ENKUR: variants seen among roughly 807,000 people sequenced by gnomAD.
ENKUR encodes enkurin, TRPC channel interacting protein, also known as enkurin.
A neutral mutation model predicts 27.6 loss-of-function variants in ENKUR; 19 were observed. The observed-to-expected ratio is 0.69, with a 90% CI of 0.48 to 1.01. ENKUR has a LOEUF of 1.01. Ranked by LOEUF, ENKUR falls within the 50% of genes least tolerant of loss-of-function variation. The pLI is 0.00. For missense variants in ENKUR, 312 were observed against 310.5 expected, an observed-to-expected ratio of 1.00 and a Z score of -0.04; for synonymous variants, 117 against 96.9, an observed-to-expected ratio of 1.21 and a Z score of -1.22.
rs1849712698 is a variant in ENKUR at position 24,983,405 on chromosome 10, A to C, written c.*965T>G. ...GTTCCTGCTGACCTGCTCACAGCAA[A>C]GTACTGCTATGTTAGCAAGAATTGA... On this transcript the variant is annotated 3_prime_UTR_variant, in exon 6 of 6. Coordinates refer to ENST00000331161, the MANE Select transcript of ENKUR (RefSeq NM_145010.4). The C allele has an allele frequency of 6.6e-6, 1 of 152,228 alleles. No individual in the cohort carries two copies. Among genetic ancestry groups the C allele is most frequent in the Non-Finnish European group, 1.5e-5 (1 of 68,048 alleles). 9.4% of individuals were successfully genotyped at this position (152,228 alleles called of 1,614,324 possible).
chr10:24,987,268 C>T (rs965883604), intron 4 of ENKUR, among the ~76,000 whole-genome samples: 3 of 152,190 alleles, frequency 2.0e-5, no homozygotes, highest in African/African-American at 7.2e-5. Context: ...TAAATTCCTA[C>T]TGTCCCTGCT....
chr10:25,014,514 T>A (rs1398079886), intron 1 of ENKUR, among the ~76,000 whole-genome samples: 3 of 151,644 alleles, frequency 2.0e-5, no homozygotes. Flanking sequence ...TCCTATAAAT[T>A]TTTTTTGAAA....
chr10:24,999,865 C>T (rs1850149277), intron 1 of ENKUR, among the ~76,000 whole-genome samples: 1 of 152,168 alleles, frequency 6.6e-6, no homozygotes, highest in Non-Finnish European at 1.5e-5. Context: ...TCTTTCTCTG[C>T]TGATCAGTCT....
At chr10:25,053,280 C>T (rs1311305394) in intron 2 of ENKUR, among the ~76,000 whole-genome samples, 1 of 152,282 alleles carries the variant, frequency 6.6e-6, no homozygotes, top group Middle Eastern at 3.4e-3. Flanking sequence ...ACTCCAAATA[C>T]TTATCCCTTT....
At chr10:24,986,334 G>T (rs529876607) in intron 4 of ENKUR, among the ~76,000 whole-genome samples, 1 of 152,266 alleles carries the variant, frequency 6.6e-6, no homozygotes, top group East Asian at 1.9e-4. Context: ...TGGGGAAAAG[G>T]GCAACAAATT....
At chr10:25,023,221 A>G in intron 2 of ENKUR, 1 of 1,602,612 alleles carries the variant, frequency 6.2e-7, no homozygotes, top group African/African-American at 1.3e-5. Context: ...AAGTGAAAAG[A>G]GAATGCTCCA....
In ENKUR at chr10:24,984,123, T is replaced by C; in HGVS notation, c.*247A>G. 1 of 411,284 alleles carries C rather than the reference T, an allele frequency of 2.4e-6. No homozygotes were observed. The highest frequency in any genetic ancestry group is 4.3e-6 in the Non-Finnish European group (1 of 232,694). The allele number at this position is 411,284 out of a possible 1,614,324, so 25.5% of individuals were successfully genotyped here. ...TGCCTTTATAAGTTGTCATCTTGATTTTGTAAGTTGTCTTCTTAATTTTTC... is the reference window on the plus strand; with the variant it reads ...TGCCTTTATAAGTTGTCATCTTGATCTTGTAAGTTGTCTTCTTAATTTTTC... On this transcript the variant is annotated 3_prime_UTR_variant, in exon 6 of 6. Transcript: ENST00000331161.
At position 25,029,511 on chromosome 10, in the gene ENKUR, G is replaced by A. The variant is rs945354932; in HGVS notation, c.37+31601C>T. Among the ~76,000 whole-genome samples the A allele has an allele frequency of 1.1e-4, 17 of 151,742 alleles. No homozygotes were observed. In the South Asian group the frequency reaches 2.9e-3, roughly 26 times the overall value. ...AAATATTGTTTCAATCCATTAAATC[G>A]TTTATAAACCTTTTGTAATTCAGAC... On this transcript the variant is annotated intron_variant, in intron 2 of 5. Coordinates refer to the ENKUR transcript ENST00000615958.
At chr10:25,013,286 ATATT>A (rs1280721838) in intron 1 of ENKUR, among the ~76,000 whole-genome samples, 1 of 152,258 alleles carries the variant, frequency 6.6e-6, no homozygotes, top group Non-Finnish European at 1.5e-5. Flanking sequence ...TATAAAAGAC[ATATT>A]TATTAAATTT....
At chr10:25,009,933 T>C (rs1410107376) in intron 1 of ENKUR, among the ~76,000 whole-genome samples, 2 of 152,196 alleles carry the variant, frequency 1.3e-5, no homozygotes, top group East Asian at 3.8e-4. Flanking sequence ...TACCTACTCT[T>C]GGGTATGTAC....
chr10:25,022,961 T>C (rs4748996), intron 2 of ENKUR, among the ~76,000 whole-genome samples: 42,730 of 152,078 alleles, frequency 0.28, 6,536 homozygotes, highest in East Asian at 0.5. Flanking sequence ...TTCAGTGTCT[T>C]GAGATTTTAA....
At chr10:25,018,095 C>G (rs1241747097), upstream of ENKUR, among the ~76,000 whole-genome samples, 1 of 152,196 alleles carries the variant, frequency 6.6e-6, no homozygotes, top group Non-Finnish European at 1.5e-5. Flanking sequence ...AATAATTTCA[C>G]TGATGTCTGT....
chr10:25,023,146 T>G lies in ENKUR; in HGVS notation c.38-27277A>C. On this transcript the variant is annotated intron_variant, in intron 2 of 5. Transcript: ENST00000615958. Reference sequence around the variant, plus strand: ...AATTAGTAACCAAATTATCTTTTGTTGTTTTTTGTTTGTTTTGTGTTTTGA... The same window carrying G: ...AATTAGTAACCAAATTATCTTTTGTGGTTTTTTGTTTGTTTTGTGTTTTGA... The G allele has an allele frequency of 2.1e-6, 3 of 1,404,910 alleles. No individual in the cohort carries two copies. The East Asian group carries it at 7.0e-5, about 33-fold the overall frequency. 87.0% of individuals were successfully genotyped at this position (1,404,910 alleles called of 1,614,324 possible).
Position 24,984,545 on chromosome 10 carries a change from G to A in ENKUR, c.765-169C>T, listed in dbSNP as rs1037939295. 7.2e-6 allele frequency: 8 copies of A among 1,105,674 alleles called. No homozygotes were observed. The African/African-American group carries it at 1.3e-4, about 18-fold the overall frequency. 68.5% of individuals were successfully genotyped at this position (1,105,674 alleles called of 1,614,324 possible). On this transcript the variant is annotated intron_variant, in intron 5 of 5. Transcript: ENST00000331161. Reference sequence around the variant, plus strand: ...TTTATATGTGGAAAACGTGACACTAGTAAAAACAAAATTTCTTCTTGTGTA... The same window carrying A: ...TTTATATGTGGAAAACGTGACACTAATAAAAACAAAATTTCTTCTTGTGTA...
At chr10:25,046,794 C>T (rs1851126391) in intron 2 of ENKUR, among the ~76,000 whole-genome samples, 1 of 152,090 alleles carries the variant, frequency 6.6e-6, no homozygotes. Context: ...TTTCACCAAC[C>T]TCTGCTGTTG....
upstream of ENKUR, among the ~76,000 whole-genome samples, chr10:25,018,894 T>G (rs898056045): frequency 6.6e-6 from 1 of 152,152 alleles, no homozygotes; most frequent in Non-Finnish European, 1.5e-5. Context: ...TTAGTCAGCT[T>G]TGATAGTAAT....
chr10:25,016,566 AGAAAG>A (rs113010165), upstream of ENKUR: 528 of 152,390 alleles, frequency 3.5e-3, 2 homozygotes, highest in African/African-American at 9.3e-3. Context: ...GGCTACAGTG[AGAAAG>A]GAGAGTCACG....
At chr10:25,030,960 A>G (rs984309358) in intron 2 of ENKUR, among the ~76,000 whole-genome samples, 2 of 152,094 alleles carry the variant, frequency 1.3e-5, no homozygotes, top group Non-Finnish European at 2.9e-5. Flanking sequence ...TCTACTAATA[A>G]TACAAAAATT....
chr10:25,000,789 G>C (rs1850171954), intron 1 of ENKUR, among the ~76,000 whole-genome samples: 1 of 151,910 alleles, frequency 6.6e-6, no homozygotes, highest in Admixed American at 6.6e-5. Context: ...ATAAAAATTT[G>C]TTTCTGCTTA....
Sources: gnomAD v4.1 joint callset for allele counts (sites outside exome capture counted in the v4.1 genomes callset) on GRCh38, gnomAD v4.1.1 for gene constraint, MANE v1.5 for transcripts, NCBI Gene and HGNC (gene_info 2026-07-23, HGNC 2026-07-21) for gene names.